The following B3GAT2 variants were observed in gnomAD, a reference collection of about 807,000 sequenced individuals.
The protein encoded by B3GAT2 is galactosylgalactosylxylosylprotein 3-beta-glucuronosyltransferase 2.
In B3GAT2, 26 loss-of-function variants were observed where a neutral mutation model predicts 27.8. The ratio of observed to expected loss-of-function variants is 0.93; its 90% confidence interval spans 0.68 to 1.30. The LOEUF (loss-of-function observed/expected upper bound fraction) is 1.30, where lower values mean the gene tolerates loss of function less well. Ranked by LOEUF, B3GAT2 falls within the 50% of genes most tolerant of loss-of-function variation. The pLI, the probability that B3GAT2 is intolerant of heterozygous loss-of-function variation, is 0.00. For synonymous variants in B3GAT2, 218 were observed against 195.1 expected, an observed-to-expected ratio of 1.12 and a Z score of -0.98; for missense variants, 458 against 459.0, an observed-to-expected ratio of 1.00 and a Z score of 0.02.
chr6:70,935,396 G>A (rs2150047225), intron 1 of B3GAT2, among the ~76,000 whole-genome samples: 1 of 152,254 alleles, frequency 6.6e-6, no homozygotes, highest in East Asian at 1.9e-4. Context: ...GGAGGCTGCA[G>A]TAAGCTGTGA....
chr6:70,863,121 TAGTGACTA>T (rs1373733742), intron 2 of B3GAT2, among the ~76,000 whole-genome samples: 2 of 152,220 alleles, frequency 1.3e-5, no homozygotes, highest in Non-Finnish European at 2.9e-5. Flanking sequence ...TCTTTTTCCT[TAGTGACTA>T]AGGTGATACT....
intron 1 of B3GAT2, among the ~76,000 whole-genome samples, chr6:70,932,397 T>G (rs1773075866): frequency 6.6e-6 from 1 of 152,178 alleles, no homozygotes; most frequent in Non-Finnish European, 1.5e-5. Flanking sequence ...GCAACACAAC[T>G]TCCTATCAAG....
intron 1 of B3GAT2, among the ~76,000 whole-genome samples, chr6:70,897,875 G>C (rs535483763): frequency 3.3e-4 from 50 of 151,818 alleles, no homozygotes; most frequent in African/African-American, 1.2e-3. Flanking sequence ...AATTGTCCTG[G>C]AACAACTGAG....
intron 1 of B3GAT2, among the ~76,000 whole-genome samples, chr6:70,920,779 T>G (rs1344335624): frequency 2.6e-5 from 4 of 152,232 alleles, no homozygotes; most frequent in African/African-American, 9.6e-5. Flanking sequence ...AACAGTCTTT[T>G]GTTTCCATAT....
At chr6:70,926,136 A>G (rs1338897089) in intron 1 of B3GAT2, among the ~76,000 whole-genome samples, 1 of 152,166 alleles carries the variant, frequency 6.6e-6, no homozygotes, top group Non-Finnish European at 1.5e-5. Flanking sequence ...ATCAACATCA[A>G]CAAAAAGGAC....
intron 1 of B3GAT2, among the ~76,000 whole-genome samples, chr6:70,937,341 C>T (rs1765307817): frequency 1.3e-5 from 2 of 150,104 alleles, no homozygotes; most frequent in African/African-American, 2.5e-5. Context: ...GAACTGGTAC[C>T]ATTCCTTCTG....
At position 70,949,258 on chromosome 6, in the gene B3GAT2, G is replaced by A. The variant is rs922110872; in HGVS notation, c.591+6581C>T. Among the ~76,000 whole-genome samples, 196 of 152,074 alleles carry A rather than the reference G, an allele frequency of 1.3e-3. 1 individual carries two copies. Among genetic ancestry groups the A allele is most frequent in the African/African-American group, 4.2e-3 (175 of 41,508 alleles). On this transcript the variant is annotated intron_variant, in intron 1 of 3. Coordinates refer to ENST00000230053, the MANE Select transcript of B3GAT2 (RefSeq NM_080742.3). Reference sequence around the variant, plus strand: ...CACAGCAAAAGAAACTACCATCAGAGTGAACAGGCAACCTACAAAATGGGA... The same window carrying A: ...CACAGCAAAAGAAACTACCATCAGAATGAACAGGCAACCTACAAAATGGGA...
chr6:70,955,896 G>A lies in B3GAT2; in HGVS notation c.534C>T (p.Pro178=), dbSNP rs944850761. 18 of 1,604,300 alleles carry A rather than the reference G, an allele frequency of 1.1e-5. No homozygotes were observed. In the East Asian group the frequency reaches 1.8e-4, roughly 16 times the overall value. The change falls in exon 1 of 4, where the codon CCC becomes CCT. Residue 178 remains proline (P), a synonymous_variant. Transcript: ENST00000230053. ...CGTCGTCAGCGAAGAAGAGCACGCC[G>A]GGCTGCGCGCGCTGGTGCTGGTGCC... The part of the protein sequence containing the change: ...RQRHQHQRAQ[P]GVLFFADDDN...
chr6:70,927,727 G>A (rs561573409), intron 1 of B3GAT2, among the ~76,000 whole-genome samples: 1 of 152,156 alleles, frequency 6.6e-6, no homozygotes, highest in South Asian at 2.1e-4. Context: ...CAATAATAAT[G>A]GGAGACAATA....
intron 2 of B3GAT2, among the ~76,000 whole-genome samples, chr6:70,882,524 T>C (rs1772116033): frequency 6.6e-6 from 1 of 151,760 alleles, no homozygotes; most frequent in Non-Finnish European, 1.5e-5. Flanking sequence ...TAAAAATAAA[T>C]AAATCAAATA....
chr6:70,881,273 G>A (rs1772095197), intron 2 of B3GAT2, among the ~76,000 whole-genome samples: 1 of 152,160 alleles, frequency 6.6e-6, no homozygotes, highest in Non-Finnish European at 1.5e-5. Flanking sequence ...TTTCCTCACA[G>A]CTGCTGGCTC....
chr6:70,899,464 A>G (rs1297949025), intron 1 of B3GAT2, among the ~76,000 whole-genome samples: 2 of 152,126 alleles, frequency 1.3e-5, no homozygotes, highest in African/African-American at 2.4e-5. Context: ...TTCATGCTTT[A>G]TTTTTCTAGA....
intron 1 of B3GAT2, among the ~76,000 whole-genome samples, chr6:70,897,444 A>C (rs1053632289): frequency 6.6e-6 from 1 of 151,992 alleles, no homozygotes; most frequent in South Asian, 2.1e-4. Flanking sequence ...TTCTACTTAA[A>C]ATATTTTTGT....
chr6:70,903,518 C>T (rs1299973211), intron 1 of B3GAT2, among the ~76,000 whole-genome samples: 1 of 151,884 alleles, frequency 6.6e-6, no homozygotes, highest in East Asian at 1.9e-4. Flanking sequence ...AGAAAAAAGA[C>T]AACCCAATTA....
intron 1 of B3GAT2, among the ~76,000 whole-genome samples, chr6:70,942,439 C>T (rs1765410120): frequency 6.6e-6 from 1 of 152,176 alleles, no homozygotes; most frequent in African/African-American, 2.4e-5. Flanking sequence ...GGTTTTCTCT[C>T]TCTGGAGGGC....
chr6:70,947,564 G>A (rs1384365607), intron 1 of B3GAT2, among the ~76,000 whole-genome samples: 3 of 151,764 alleles, frequency 2.0e-5, no homozygotes, highest in Non-Finnish European at 4.4e-5. Context: ...ACCAATAACA[G>A]GCTCTGAAAT....
At chr6:70,940,827 C>T (rs1448294266) in intron 1 of B3GAT2, among the ~76,000 whole-genome samples, 1 of 152,128 alleles carries the variant, frequency 6.6e-6, no homozygotes, top group African/African-American at 2.4e-5. Flanking sequence ...ACTCAGGAGG[C>T]TGAAGCAGGG....
chr6:70,861,616 C>T lies in B3GAT2; in HGVS notation c.*47G>A. The T allele has an allele frequency of 6.5e-7, 1 of 1,547,144 alleles. No homozygotes were observed. On this transcript the variant is annotated 3_prime_UTR_variant, in exon 4 of 4. Coordinates refer to ENST00000230053, the MANE Select transcript of B3GAT2 (RefSeq NM_080742.3). Reference sequence around the variant, plus strand: ...AGCCTAAACTCCAAACATCCTCTTCCATATGGATCCACTGGCTGGACAAAC... The same window carrying T: ...AGCCTAAACTCCAAACATCCTCTTCTATATGGATCCACTGGCTGGACAAAC...
At chr6:70,867,697 C>T (rs1328881576) in intron 2 of B3GAT2, among the ~76,000 whole-genome samples, 2 of 152,048 alleles carry the variant, frequency 1.3e-5, no homozygotes, top group Non-Finnish European at 2.9e-5. Flanking sequence ...ACACAACCCT[C>T]CAGGACCAGA....
Sources: gnomAD v4.1 joint callset for allele counts (sites outside exome capture counted in the v4.1 genomes callset) on GRCh38, gnomAD v4.1.1 for gene constraint, MANE v1.5 for transcripts, NCBI Gene and HGNC (gene_info 2026-07-23, HGNC 2026-07-21) for gene names.